Variants in PRMT3 observed in about 807,000 individuals in gnomAD.
PRMT3 encodes the protein protein arginine methyltransferase 3, also known as protein arginine N-methyltransferase 3.
Under a neutral mutation model 71.9 loss-of-function variants are expected in PRMT3, and 62 were observed. The observed-to-expected ratio is 0.86, with a 90% CI of 0.70 to 1.07. The LOEUF (loss-of-function observed/expected upper bound fraction) is 1.07. PRMT3 is among the 50% of genes least tolerant of loss of function. The probability of loss-of-function intolerance (pLI) is 0.00; values close to 1 mark genes in which losing one functional copy is unlikely to be tolerated. For synonymous variants in PRMT3, 213 were observed against 220.4 expected (o/e 0.97, Z 0.30); for missense variants, 663 against 643.0 (o/e 1.03, Z -0.34).
intron 15 of PRMT3, among the ~76,000 whole-genome samples, chr11:20,501,571 T>A (rs781747514): frequency 3.3e-5 from 5 of 152,178 alleles, no homozygotes; most frequent in Admixed American, 6.5e-5. Context: ...CAATGTACTA[T>A]AAGATTTTTA....
At chr11:20,440,489 C>CAAAAAAAAAAAA (rs55801324) in intron 10 of PRMT3, among the ~76,000 whole-genome samples, 30 of 115,854 alleles carry the variant, frequency 2.6e-4, no homozygotes, top group Non-Finnish European at 3.0e-4. Context: ...ACTAAAAATA[C>CAAAAAAAAAAAA]AAAAAAAAAA....
chr11:20,504,832 C>T (rs1851552778), intron 15 of PRMT3, among the ~76,000 whole-genome samples: 1 of 152,040 alleles, frequency 6.6e-6, no homozygotes, highest in African/African-American at 2.4e-5. Context: ...CTCCTGGGTT[C>T]AGGCCATCCT....
chr11:20,466,229 G>A (rs1446136559), intron 13 of PRMT3, among the ~76,000 whole-genome samples: 1 of 152,158 alleles, frequency 6.6e-6, no homozygotes, highest in African/African-American at 2.4e-5. Context: ...GAATACAATA[G>A]TTTCCAGACA....
chr11:20,480,843 C>CCTGT (rs35591887), intron 13 of PRMT3, among the ~76,000 whole-genome samples: 5,020 of 152,096 alleles, frequency 0.033, 275 homozygotes, highest in African/African-American at 0.11. Context: ...AAATTATGGT[C>CCTGT]CTGTCAAAGA....
At chr11:20,459,113 G>A (rs147217325) in intron 11 of PRMT3, among the ~76,000 whole-genome samples, 65 of 152,248 alleles carry the variant, frequency 4.3e-4, no homozygotes, top group African/African-American at 1.4e-3. Context: ...ACAAATGAAT[G>A]TGGTAGTGTT....
chr11:20,493,870 T>C (rs1229395284), intron 13 of PRMT3, 49 bp from the exon 14 acceptor site: 1 of 1,259,910 alleles, frequency 7.9e-7, no homozygotes, highest in African/African-American at 1.5e-5. Context: ...AGTTATTATA[T>C]TATGTAATTC....
chr11:20,440,461 C>T (rs183967013), intron 10 of PRMT3, among the ~76,000 whole-genome samples: 31 of 128,788 alleles, frequency 2.4e-4, no homozygotes, highest in South Asian at 1.7e-3. Flanking sequence ...CTGGCTAACA[C>T]GGTGAAACCC....
intron 13 of PRMT3, among the ~76,000 whole-genome samples, chr11:20,491,873 C>T (rs1320457191): frequency 6.6e-6 from 1 of 152,136 alleles, no homozygotes; most frequent in Non-Finnish European, 1.5e-5. Flanking sequence ...CTCTCCTCTC[C>T]ATATTTGTCC....
At chr11:20,432,800 T>C (rs1357308198) in intron 10 of PRMT3, among the ~76,000 whole-genome samples, 1 of 152,160 alleles carries the variant, frequency 6.6e-6, no homozygotes, top group Non-Finnish European at 1.5e-5. Context: ...TTCCTGATGG[T>C]TAGTAATGTT....
chr11:20,439,715 C>T (rs932789299), intron 10 of PRMT3, among the ~76,000 whole-genome samples: 30 of 152,172 alleles, frequency 2.0e-4, no homozygotes, highest in African/African-American at 6.8e-4. Context: ...CAATTCTCTT[C>T]ATATTAATCT....
At chr11:20,490,803 G>A (rs1453432720) in intron 13 of PRMT3, among the ~76,000 whole-genome samples, 1 of 24,764 alleles carries the variant, frequency 4.0e-5, no homozygotes, top group Non-Finnish European at 1.0e-4. Flanking sequence ...TAGAACTATG[G>A]GTTTTCTGTT....
At chr11:20,467,894 C>T (rs1393873233) in intron 13 of PRMT3, among the ~76,000 whole-genome samples, 1 of 152,170 alleles carries the variant, frequency 6.6e-6, no homozygotes, top group East Asian at 1.9e-4. Flanking sequence ...ATATTTACTT[C>T]GATTCTCTTG....
intron 9 of PRMT3, among the ~76,000 whole-genome samples, chr11:20,408,676 G>A (rs1223125861): frequency 2.0e-5 from 3 of 152,118 alleles, no homozygotes; most frequent in Non-Finnish European, 2.9e-5. Context: ...TTCCCTACGT[G>A]CTTAACAAAA....
chr11:20,391,395 G>A (rs10766667), intron 3 of PRMT3, among the ~76,000 whole-genome samples: 117,527 of 151,434 alleles, frequency 0.78, 48,165 homozygotes, highest in Non-Finnish European at 0.92. Context: ...ATAGGCATGC[G>A]CCACCACACT....
At chr11:20,478,715 T>C (rs1850857409) in intron 13 of PRMT3, among the ~76,000 whole-genome samples, 1 of 152,312 alleles carries the variant, frequency 6.6e-6, no homozygotes, top group Admixed American at 6.5e-5. Flanking sequence ...GTCATAATAC[T>C]CTGTTTTCAT....
intron 9 of PRMT3, among the ~76,000 whole-genome samples, chr11:20,423,492 G>A (rs1849471210): frequency 6.6e-6 from 1 of 152,116 alleles, no homozygotes; most frequent in Non-Finnish European, 1.5e-5. Context: ...AGAAATAGCA[G>A]TTGAATAGTT....
chr11:20,416,909 G>A (rs1364918440), intron 9 of PRMT3, among the ~76,000 whole-genome samples: 3 of 152,086 alleles, frequency 2.0e-5, no homozygotes, highest in Admixed American at 1.3e-4. Flanking sequence ...TATGAATGAA[G>A]GACTGGATAC....
chr11:20,441,292 TTTATTTA>T (rs1849892661), intron 10 of PRMT3, among the ~76,000 whole-genome samples: 1 of 148,018 alleles, frequency 6.8e-6, no homozygotes, highest in South Asian at 2.1e-4. Context: ...TATTTATTTA[TTTATTTA>T]TTTATTTATT....
intron 11 of PRMT3, among the ~76,000 whole-genome samples, chr11:20,461,296 T>C (rs1850377968): frequency 6.6e-6 from 1 of 152,190 alleles, no homozygotes; most frequent in Non-Finnish European, 1.5e-5. Context: ...CCTTCTCCCC[T>C]GCTCCAGCCA....
Sources: allele counts gnomAD v4.1 joint callset (sites outside exome capture counted in the v4.1 genomes callset), GRCh38; gene constraint gnomAD v4.1.1; transcripts MANE v1.5; gene names NCBI Gene and HGNC (gene_info 2026-07-23, HGNC 2026-07-21).